The following CNTN4 variants were observed in gnomAD, a reference collection of about 807,000 sequenced individuals.
CNTN4 encodes contactin-4.
Under a neutral mutation model 122.5 loss-of-function variants are expected in CNTN4, and 77 were observed. The ratio of observed to expected loss-of-function variants is 0.63; its 90% confidence interval spans 0.52 to 0.76. CNTN4 has a LOEUF of 0.76. Ranked by LOEUF, CNTN4 falls within the 30% of genes least tolerant of loss-of-function variation. The probability of loss-of-function intolerance (pLI) is 0.00; values close to 1 mark genes in which losing one functional copy is unlikely to be tolerated. For missense variants in CNTN4, 1,256 were observed against 1,259.1 expected (o/e 1.00, Z 0.04); for synonymous variants, 512 against 447.0 (o/e 1.15, Z -1.83).
chr3:2,810,172 T>C (rs1036528644), intron 6 of CNTN4, among the ~76,000 whole-genome samples: 2 of 152,228 alleles, frequency 1.3e-5, no homozygotes, highest in Non-Finnish European at 2.9e-5. Flanking sequence ...AGCTCTTGGA[T>C]GTTTATTTTT....
intron 2 of CNTN4, among the ~76,000 whole-genome samples, chr3:2,225,587 C>A (rs577086646): frequency 1.3e-5 from 2 of 152,280 alleles, no homozygotes; most frequent in South Asian, 4.1e-4. Context: ...TTGGTACAGC[C>A]AATAGAAAAT....
intron 2 of CNTN4, among the ~76,000 whole-genome samples, chr3:2,165,505 CAT>C (rs1448222884): frequency 2.7e-5 from 4 of 149,706 alleles, no homozygotes; most frequent in Admixed American, 1.4e-4. Flanking sequence ...CATCACCTCA[CAT>C]AGTTACCTTT....
intron 4 of CNTN4, among the ~76,000 whole-genome samples, chr3:2,572,938 G>C (rs1019397697): frequency 2.6e-5 from 4 of 152,156 alleles, no homozygotes; most frequent in Admixed American, 1.3e-4. Flanking sequence ...TGCTAAGCAC[G>C]TGGTATCCTT....
At chr3:2,204,193 T>C (rs969110679) in intron 2 of CNTN4, among the ~76,000 whole-genome samples, 3 of 152,170 alleles carry the variant, frequency 2.0e-5, no homozygotes, top group African/African-American at 4.8e-5. Context: ...TTAAGATCTT[T>C]GATTATACAC....
intron 4 of CNTN4, among the ~76,000 whole-genome samples, chr3:2,651,756 G>T (rs983906646): frequency 2.6e-5 from 4 of 151,410 alleles, no homozygotes; most frequent in Non-Finnish European, 5.9e-5. Flanking sequence ...AGGCTAGAGG[G>T]CAGTGGTGCT....
In CNTN4 at chr3:2,819,369, A is replaced by G. The variant is rs867058268; in HGVS notation, c.359-117A>G. ...AGAAGCTCTCCTGAATTCCCCCGGTATGGGTGCTACCAACGCAGTTTTGAG... is the reference window on the plus strand; with the variant it reads ...AGAAGCTCTCCTGAATTCCCCCGGTGTGGGTGCTACCAACGCAGTTTTGAG... On this transcript the variant is annotated intron_variant, in intron 6 of 24. Coordinates refer to ENST00000418658, the MANE Select transcript of CNTN4 (RefSeq NM_175607.3). 6.6e-5 allele frequency: 50 copies of G among 763,276 alleles called. No homozygotes were observed. In the African/African-American group the frequency reaches 6.7e-4, roughly 10 times the overall value. The allele number at this position is 763,276 out of a possible 1,614,324, so 47.3% of individuals were successfully genotyped here.
chr3:2,207,098 GAA>G (rs2038391812), intron 2 of CNTN4, among the ~76,000 whole-genome samples: 2 of 151,990 alleles, frequency 1.3e-5, no homozygotes, highest in Admixed American at 1.3e-4. Context: ...GGGGTGTCAT[GAA>G]CCAAACTCAT....
At chr3:2,313,250 C>T (rs1168662043) in intron 2 of CNTN4, among the ~76,000 whole-genome samples, 1 of 151,468 alleles carries the variant, frequency 6.6e-6, no homozygotes, top group Non-Finnish European at 1.5e-5. Context: ...AAAATATAGT[C>T]ATTATAAGAA....
At chr3:2,133,602 A>C (rs1416156440) in intron 2 of CNTN4, among the ~76,000 whole-genome samples, 3 of 152,064 alleles carry the variant, frequency 2.0e-5, no homozygotes, top group Non-Finnish European at 4.4e-5. Context: ...CATAGATTTT[A>C]TTTTGGGGAA....
At chr3:2,705,662 TA>T (rs2086648457) in intron 4 of CNTN4, among the ~76,000 whole-genome samples, 1 of 88,958 alleles carries the variant, frequency 1.1e-5, no homozygotes, top group South Asian at 3.9e-4. Flanking sequence ...GTATATTATA[TA>T]TATTTATATA....
intron 7 of CNTN4, among the ~76,000 whole-genome samples, chr3:2,848,721 A>G (rs2093497240): frequency 6.6e-6 from 1 of 152,220 alleles, no homozygotes. Context: ...AGCGGGAAGG[A>G]GAAAATGCTT....
chr3:2,161,296 A>G (rs1198726552), intron 2 of CNTN4, among the ~76,000 whole-genome samples: 2 of 152,124 alleles, frequency 1.3e-5, no homozygotes, highest in African/African-American at 2.4e-5. Context: ...GCTGCATTAT[A>G]AGAAAATAAA....
intron 4 of CNTN4, among the ~76,000 whole-genome samples, chr3:2,722,301 A>G (rs974943743): frequency 3.3e-5 from 5 of 152,208 alleles, no homozygotes; most frequent in Non-Finnish European, 4.4e-5. Flanking sequence ...CTCTCTGTCT[A>G]TCCTCAGTGT....
At chr3:2,569,980 C>G (rs780052873) in intron 3 of CNTN4, among the ~76,000 whole-genome samples, 2 of 152,040 alleles carry the variant, frequency 1.3e-5, no homozygotes, top group Non-Finnish European at 2.9e-5. Context: ...TTGATGGGCC[C>G]AGTGCTTCAC....
chr3:2,567,822 T>C lies in CNTN4; in HGVS notation c.-88-3594T>C, dbSNP rs190374588. Among the ~76,000 whole-genome samples the C allele has an allele frequency of 2.6e-4, 39 of 152,296 alleles. No homozygotes were observed. In the East Asian group the frequency reaches 7.3e-3, roughly 29 times the overall value. On this transcript the variant is annotated intron_variant, in intron 3 of 24. Transcript: ENST00000418658. Reference sequence around the variant, plus strand: ...TCCTTTAAGAATCAGTTCAAAATGGTAGCCCCTTTGAGGAGCTTTCTTGAA... The same window carrying C: ...TCCTTTAAGAATCAGTTCAAAATGGCAGCCCCTTTGAGGAGCTTTCTTGAA...
chr3:2,509,710 A>G (rs1366129484), intron 3 of CNTN4, among the ~76,000 whole-genome samples: 1 of 152,174 alleles, frequency 6.6e-6, no homozygotes, highest in Non-Finnish European at 1.5e-5. Flanking sequence ...TCCCTAAGAC[A>G]ATCAAAACGC....
chr3:2,768,270 T>A (rs2090948829), intron 6 of CNTN4, among the ~76,000 whole-genome samples: 1 of 152,206 alleles, frequency 6.6e-6, no homozygotes, highest in East Asian at 1.9e-4. Context: ...TTGGTAATGA[T>A]GTGAAATAGT....
chr3:2,211,341 C>T (rs1333095409), intron 2 of CNTN4, among the ~76,000 whole-genome samples: 2 of 152,126 alleles, frequency 1.3e-5, no homozygotes, highest in African/African-American at 4.8e-5. Flanking sequence ...GATTACAATT[C>T]AACATGAGAT....
At chr3:2,369,509 G>A (rs756509798) in intron 3 of CNTN4, among the ~76,000 whole-genome samples, 4 of 152,200 alleles carry the variant, frequency 2.6e-5, no homozygotes, top group Non-Finnish European at 4.4e-5. Flanking sequence ...AGATTAGCAA[G>A]AGGTTGCAGC....
Sources: allele counts gnomAD v4.1 joint callset (sites outside exome capture counted in the v4.1 genomes callset), GRCh38; gene constraint gnomAD v4.1.1; transcripts MANE v1.5; gene names NCBI Gene and HGNC (gene_info 2026-07-23, HGNC 2026-07-21).